The following MLIP variants were observed in gnomAD, a reference collection of about 807,000 sequenced individuals.
The protein encoded by MLIP is muscular LMNA-interacting protein.
A neutral mutation model predicts 84.8 loss-of-function variants in MLIP; 79 were observed. That is an observed-to-expected ratio of 0.93 (90% confidence interval 0.78 to 1.12). The LOEUF is 1.12. Among genes scored for constraint, MLIP ranks in the 50% most tolerant of loss-of-function variants. The pLI, the probability that MLIP is intolerant of heterozygous loss-of-function variation, is 0.00. For missense variants in MLIP, 1,257 were observed against 1,160.6 expected (o/e 1.08, Z -1.21); for synonymous variants, 504 against 463.0 (o/e 1.09, Z -1.14).
chr6:54,243,987 T>G (rs1781909882), intron 12 of MLIP, among the ~76,000 whole-genome samples: 1 of 152,184 alleles, frequency 6.6e-6, no homozygotes, highest in Non-Finnish European at 1.5e-5. Context: ...AACATTCTTT[T>G]GGCAGAACTT....
intron 1 of MLIP, among the ~76,000 whole-genome samples, chr6:54,071,241 C>G (rs1019420358): frequency 6.6e-6 from 1 of 151,988 alleles, no homozygotes; most frequent in Non-Finnish European, 1.5e-5. Flanking sequence ...CATGCATCTG[C>G]TTTGCTGTAA....
chr6:54,069,907 T>G lies in MLIP; in HGVS notation c.63+50816T>G, dbSNP rs1766382831. 2.0e-5 allele frequency among the ~76,000 whole-genome samples: 2 copies of G among 100,504 alleles called. 1 individual carries two copies. The highest frequency in any genetic ancestry group is 7.0e-4 in the South Asian group (2 of 2,840). 65.9% of individuals were successfully genotyped at this position (100,504 alleles called of 152,430 possible). A position where few individuals can be genotyped will look rare whatever the true frequency, so the allele number is the denominator to read the frequency against. On this transcript the variant is annotated intron_variant, in intron 1 of 12. Transcript: ENST00000274897. ...ATACTATAAAGTTTTGTCAACCTAATTCTTTGTAAAGTTACAGTGAAAACA... is the reference window on the plus strand; with the variant it reads ...ATACTATAAAGTTTTGTCAACCTAAGTCTTTGTAAAGTTACAGTGAAAACA...
chr6:54,045,741 G>C, intron 1 of MLIP: 1 of 152,794 alleles, frequency 6.5e-6, no homozygotes, highest in African/African-American at 2.4e-5. Context: ...TACTTCTCTG[G>C]CCGTGCAAAA....
At chr6:54,245,861 G>A (rs1381005694) in intron 12 of MLIP, among the ~76,000 whole-genome samples, 3 of 152,058 alleles carry the variant, frequency 2.0e-5, no homozygotes, top group Non-Finnish European at 2.9e-5. Context: ...TATTTGCACA[G>A]CCAAGGAGTC....
chr6:54,207,419 C>CCG (rs1381456304), intron 11 of MLIP, among the ~76,000 whole-genome samples: 33 of 142,622 alleles, frequency 2.3e-4, no homozygotes, highest in Non-Finnish European at 3.1e-5. Context: ...ACCCCCCCCC[C>CCG]CTTTTTTGAC....
In MLIP at chr6:54,160,796, C is replaced by A; in HGVS notation, c.2496C>A (p.Val832=). ...SPKTLLGSDT[V]KTPTTLPRAA... is the part of the protein sequence containing the mutation. ...AGACATTGTTGGGTTCTGACACAGT[C>A]AAAGTATGTATGTATTTAATATAAT... The change falls in exon 8 of 14, where the codon GTC becomes GTA. Residue 832 remains valine, a synonymous_variant. Transcript: ENST00000502396. 6.2e-7 allele frequency: 1 copy of A among 1,604,632 alleles called. No homozygotes were observed. Among genetic ancestry groups the A allele is most frequent in the East Asian group, 2.2e-5 (1 of 44,694 alleles).
chr6:54,201,456 A>G (rs1444248458), intron 10 of MLIP, among the ~76,000 whole-genome samples: 3 of 152,168 alleles, frequency 2.0e-5, no homozygotes, highest in Non-Finnish European at 2.9e-5. Context: ...TCTTGATCTC[A>G]GCATATCTGC....
At chr6:54,110,833 G>C (rs1769397830), upstream of MLIP, among the ~76,000 whole-genome samples, 1 of 152,188 alleles carries the variant, frequency 6.6e-6, no homozygotes, top group South Asian at 2.1e-4. Context: ...CTGTCTTCCA[G>C]GAACCTTGGA....
chr6:54,038,276 A>AT (rs1290460834), intron 1 of MLIP, among the ~76,000 whole-genome samples: 1 of 151,872 alleles, frequency 6.6e-6, no homozygotes, highest in African/African-American at 2.4e-5. Context: ...TTGAAAAGAG[A>AT]TTTTTAAGAC....
At chr6:54,201,270 A>G (rs555967268) in intron 10 of MLIP, among the ~76,000 whole-genome samples, 1 of 152,320 alleles carries the variant, frequency 6.6e-6, no homozygotes, top group South Asian at 2.1e-4. Context: ...TGACAAAAGT[A>G]AAGTTGAGTT....
intron 4 of MLIP, 111 bp from the exon 5 acceptor site, chr6:54,148,945 C>T: frequency 1.2e-6 from 1 of 802,098 alleles, no homozygotes; most frequent in Non-Finnish European, 2.0e-6. Flanking sequence ...GCATAATAAC[C>T]CTTTTCTTCA....
chr6:54,187,764 G>T (rs537629362), intron 9 of MLIP, among the ~76,000 whole-genome samples: 1 of 152,242 alleles, frequency 6.6e-6, no homozygotes, highest in African/African-American at 2.4e-5. Context: ...ATCACTAGGT[G>T]ATTTCATCAT....
At chr6:54,263,105 A>G (rs1783489245) in intron 13 of MLIP, among the ~76,000 whole-genome samples, 1 of 152,040 alleles carries the variant, frequency 6.6e-6, no homozygotes, top group South Asian at 2.1e-4. Flanking sequence ...GAAGTCAGGA[A>G]CTAAAAGGAC....
intron 11 of MLIP, among the ~76,000 whole-genome samples, chr6:54,222,132 A>G (rs1212111192): frequency 6.6e-6 from 1 of 152,038 alleles, no homozygotes; most frequent in Non-Finnish European, 1.5e-5. Context: ...TGATACATGT[A>G]TGTATTGTGA....
At chr6:54,213,835 T>C (rs886824199) in intron 11 of MLIP, among the ~76,000 whole-genome samples, 7 of 151,018 alleles carry the variant, frequency 4.6e-5, no homozygotes, top group African/African-American at 1.7e-4. Context: ...TTTGAATCAA[T>C]AAAGTTGTAA....
In MLIP at chr6:54,102,002, C is replaced by A. The variant is rs80107729; in HGVS notation, c.64-19445C>A. Among the ~76,000 whole-genome samples, 215 of 152,188 alleles carry A rather than the reference C, an allele frequency of 1.4e-3. 5 individuals carry two copies. In the East Asian group the frequency reaches 0.04, roughly 29 times the overall value. ...TAGGAACCATATTAGAAAGAAGATC[C>A]TGGCTGGCTACTGCGTTGTTATATA... On this transcript the variant is annotated intron_variant, in intron 1 of 12. Coordinates refer to the MLIP transcript ENST00000274897.
chr6:54,220,327 T>A (rs73741474), intron 11 of MLIP, among the ~76,000 whole-genome samples: 3,814 of 152,300 alleles, frequency 0.025, 157 homozygotes, highest in African/African-American at 0.084. Flanking sequence ...TTTTCAGTAC[T>A]GTTTAAAGAC....
Position 54,243,607 on chromosome 6 carries a change from A to G in MLIP, c.2922+12690A>G, listed in dbSNP as rs141610779. On this transcript the variant is annotated intron_variant, in intron 12 of 13. Coordinates refer to ENST00000502396, the MANE Select transcript of MLIP (RefSeq NM_001281747.2). The stretch of plus-strand genomic sequence containing the variant: ...GTAGGGTTTATTTTTTCTTTTACAT[A>G]TGAAGAAACTGAGGCTCAGAAAGTA... 4.0e-3 allele frequency among the ~76,000 whole-genome samples: 616 copies of G among 152,330 alleles called. 3 individuals carry two copies. The highest frequency in any genetic ancestry group is 0.014 in the African/African-American group (582 of 41,574).
chr6:54,019,098 CAT>C, intron 1 of MLIP: 1 of 1,612,098 alleles, frequency 6.2e-7, no homozygotes. Context: ...GACGGTAAGA[CAT>C]GAGATTTAGC....
Sources: gnomAD v4.1 joint callset for allele counts (sites outside exome capture counted in the v4.1 genomes callset) on GRCh38, gnomAD v4.1.1 for gene constraint, MANE v1.5 for transcripts, NCBI Gene and HGNC (gene_info 2026-07-23, HGNC 2026-07-21) for gene names.